Variants in EXOC4 observed in about 807,000 individuals in gnomAD.
EXOC4 encodes the protein SEC8-like 1.
In EXOC4, 71 loss-of-function variants were observed where a neutral mutation model predicts 107.2. The observed-to-expected ratio is 0.66, with a 90% CI of 0.55 to 0.81. EXOC4 has a LOEUF of 0.81. Ranked by LOEUF, EXOC4 falls within the 30% of genes least tolerant of loss-of-function variation. The pLI is 0.00. For missense variants in EXOC4, 1,108 were observed against 1,189.6 expected, an observed-to-expected ratio of 0.93 and a Z score of 1.01; for synonymous variants, 456 against 441.2, an observed-to-expected ratio of 1.03 and a Z score of -0.42.
the EXOC4 span, among the ~76,000 whole-genome samples, chr7:134,077,122 T>A: frequency 6.6e-6 from 1 of 152,012 alleles, no homozygotes; most frequent in East Asian, 1.9e-4. Context: ...TCAGCCCAGG[T>A]CTGGAGGCCT....
intron 9 of EXOC4, among the ~76,000 whole-genome samples, chr7:133,534,888 C>T (rs1297951451): frequency 3.9e-5 from 6 of 152,044 alleles, no homozygotes. Flanking sequence ...GAATTTTATG[C>T]TTGGAGCTGT....
At chr7:134,080,402 TTAA>T in the EXOC4 span, among the ~76,000 whole-genome samples, 1 of 145,758 alleles carries the variant, frequency 6.9e-6, no homozygotes, top group Non-Finnish European at 1.5e-5. Flanking sequence ...GTAGGAGATA[TTAA>T]TAAGTTTGTT....
intron 11 of EXOC4, among the ~76,000 whole-genome samples, chr7:133,855,104 A>AATATATATATATAAATATAT (rs1201440271): frequency 1.6e-5 from 1 of 61,892 alleles, no homozygotes; most frequent in Admixed American, 2.1e-4. Context: ...TATATATATA[A>AATATATATATATAAATATAT]ATATATATAA....
At chr7:133,718,914 G>A (rs184452059) in intron 10 of EXOC4, among the ~76,000 whole-genome samples, 13 of 152,244 alleles carry the variant, frequency 8.5e-5, no homozygotes, top group African/African-American at 3.1e-4. Flanking sequence ...CTGGATTTGT[G>A]GAGGGCCCTT....
At chr7:133,373,886 G>T (rs932129088) in intron 6 of EXOC4, among the ~76,000 whole-genome samples, 1 of 152,162 alleles carries the variant, frequency 6.6e-6, no homozygotes, top group Non-Finnish European at 1.5e-5. Flanking sequence ...GAGAAGTGAG[G>T]TAAAGTATCT....
chr7:133,301,264 G>A (rs542413303), intron 3 of EXOC4, among the ~76,000 whole-genome samples: 1 of 152,316 alleles, frequency 6.6e-6, no homozygotes, highest in Admixed American at 6.5e-5. Flanking sequence ...TTCAGGGCAT[G>A]TTTCTTTTGT....
chr7:133,395,679 A>AACAC (rs149462879), intron 7 of EXOC4, among the ~76,000 whole-genome samples: 1 of 151,860 alleles, frequency 6.6e-6, no homozygotes, highest in South Asian at 2.1e-4. Context: ...GTATATATAA[A>AACAC]ACACACACAC....
At chr7:134,060,092 C>G (rs1228669986) in intron 17 of EXOC4, among the ~76,000 whole-genome samples, 1 of 152,142 alleles carries the variant, frequency 6.6e-6, no homozygotes, top group Non-Finnish European at 1.5e-5. Flanking sequence ...AGAAAATGAT[C>G]TGTTTGCACC....
At chr7:133,326,016 C>G (rs1050337209) in intron 5 of EXOC4, among the ~76,000 whole-genome samples, 1 of 152,240 alleles carries the variant, frequency 6.6e-6, no homozygotes, top group Non-Finnish European at 1.5e-5. Context: ...GCTACTGAAG[C>G]TTGTGCATTC....
At chr7:133,673,151 G>C (rs1193370295) in intron 10 of EXOC4, among the ~76,000 whole-genome samples, 1 of 152,108 alleles carries the variant, frequency 6.6e-6, no homozygotes, top group African/African-American at 2.4e-5. Context: ...AGCAGTTGAG[G>C]TTAAAGAGCC....
chr7:134,095,303 C>G, the EXOC4 span, among the ~76,000 whole-genome samples: 1 of 151,852 alleles, frequency 6.6e-6, no homozygotes, highest in Non-Finnish European at 1.5e-5. Flanking sequence ...CAAAACACTG[C>G]AAAAAAGAAA....
chr7:133,806,459 G>A (rs921866911), intron 10 of EXOC4, among the ~76,000 whole-genome samples: 1 of 152,150 alleles, frequency 6.6e-6, no homozygotes, highest in Non-Finnish European at 1.5e-5. Context: ...AGTCAGGGCT[G>A]GAGATAATAT....
At chr7:133,901,877 C>G (rs1035533283) in intron 12 of EXOC4, among the ~76,000 whole-genome samples, 12 of 152,080 alleles carry the variant, frequency 7.9e-5, no homozygotes, top group Non-Finnish European at 1.0e-4. Flanking sequence ...GTTCAAGAAT[C>G]CTCCCATCCC....
intron 17 of EXOC4, among the ~76,000 whole-genome samples, chr7:134,054,852 T>C (rs956046372): frequency 6.6e-6 from 1 of 152,212 alleles, no homozygotes; most frequent in South Asian, 2.1e-4. Context: ...TCAGAGTATT[T>C]GGGTCTTTAA....
intron 7 of EXOC4, among the ~76,000 whole-genome samples, chr7:133,402,604 T>G (rs952948006): frequency 2.6e-5 from 4 of 152,178 alleles, no homozygotes; most frequent in Non-Finnish European, 5.9e-5. Flanking sequence ...GTTCAAGCAG[T>G]TCTCCTGCCT....
intron 7 of EXOC4, among the ~76,000 whole-genome samples, chr7:133,375,649 T>C (rs1796473590): frequency 6.6e-6 from 1 of 152,168 alleles, no homozygotes; most frequent in African/African-American, 2.4e-5. Flanking sequence ...TTTATAAACA[T>C]GTACATAGCT....
At chr7:133,800,734 A>G (rs1796922383) in intron 10 of EXOC4, among the ~76,000 whole-genome samples, 2 of 152,346 alleles carry the variant, frequency 1.3e-5, no homozygotes, top group East Asian at 3.9e-4. Flanking sequence ...TGACCCAAGT[A>G]ACAGACAGTG....
At chr7:133,575,753 T>C (rs966999216) in intron 9 of EXOC4, among the ~76,000 whole-genome samples, 14 of 152,192 alleles carry the variant, frequency 9.2e-5, no homozygotes, top group African/African-American at 2.7e-4. Context: ...TTCAGAAATA[T>C]CTGATGAGTG....
intron 10 of EXOC4, among the ~76,000 whole-genome samples, chr7:133,689,577 C>T (rs766952093): frequency 4.6e-5 from 7 of 152,098 alleles, no homozygotes; most frequent in East Asian, 1.9e-4. Context: ...TGGTAAAACA[C>T]GGAAGGCAGG....
Sources: gnomAD v4.1 joint callset for allele counts (sites outside exome capture counted in the v4.1 genomes callset) on GRCh38, gnomAD v4.1.1 for gene constraint, MANE v1.5 for transcripts, NCBI Gene and HGNC (gene_info 2026-07-23, HGNC 2026-07-21) for gene names.